The following ECT2 variants were observed in gnomAD, a reference collection of about 807,000 sequenced individuals.
ECT2 encodes protein ECT2.
In ECT2, 61 loss-of-function variants were observed where a neutral mutation model predicts 116.9. The ratio of observed to expected loss-of-function variants is 0.52; its 90% CI spans 0.42 to 0.65. ECT2 has a LOEUF of 0.65. Ranked by LOEUF, ECT2 falls within the 30% of genes least tolerant of loss-of-function variation. ECT2 has a pLI of 0.00. For missense variants in ECT2, 937 were observed against 1,078.7 expected, an observed-to-expected ratio of 0.87 and a Z score of 1.84; for synonymous variants, 358 against 346.4, an observed-to-expected ratio of 1.03 and a Z score of -0.37.
intron 6 of ECT2, among the ~76,000 whole-genome samples, 178 bp from the exon 7 acceptor site, chr3:172,759,978 A>G (rs1458644619): frequency 1.3e-5 from 2 of 152,242 alleles, no homozygotes; most frequent in Non-Finnish European, 2.9e-5. Flanking sequence ...GCCTGTGTTA[A>G]TAGGCAAACT....
At chr3:172,785,136 G>C (rs1029507225) in intron 17 of ECT2, among the ~76,000 whole-genome samples, 1 of 152,180 alleles carries the variant, frequency 6.6e-6, no homozygotes, top group Non-Finnish European at 1.5e-5. Flanking sequence ...AAGATAATTT[G>C]TATGTCCCGA....
intron 1 of ECT2, 124 bp downstream of exon 1, chr3:172,750,981 G>A (rs1715653558): frequency 6.6e-6 from 1 of 152,342 alleles, no homozygotes; most frequent in Non-Finnish European, 1.5e-5. Flanking sequence ...CCCCAGCTCA[G>A]GCTTCCCGGA....
chr3:172,782,990 G>A (rs969173079), intron 15 of ECT2, among the ~76,000 whole-genome samples: 1 of 151,944 alleles, frequency 6.6e-6, no homozygotes, highest in Admixed American at 6.6e-5. Context: ...TGTGAATATT[G>A]CTGAATTCTA....
rs375631038 is a variant in ECT2, at chr3:172,767,846, C to T, written c.1292-1161C>T. 5.0e-4 allele frequency among the ~76,000 whole-genome samples: 76 copies of T among 152,080 alleles called. 1 individual carries two copies. The East Asian group carries it at 0.01, about 21-fold the overall frequency. ...TCCTGGGTTCAAGAGATTCTCCTGC[C>T]TCAGCCTCCTGAGTAGCTGGGATTA... On this transcript the variant is annotated intron_variant, in intron 12 of 24. Transcript: ENST00000392692.
At chr3:172,826,968 A>G in the ECT2 span, among the ~76,000 whole-genome samples, 1 of 152,230 alleles carries the variant, frequency 6.6e-6, no homozygotes, top group East Asian at 1.9e-4. Context: ...CAATTTTAAA[A>G]TAGGTGAAAG....
In ECT2 at chr3:172,783,852, C is replaced by T. The variant is rs781104315; in HGVS notation, c.1671C>T (p.Ser557=). The part of the protein sequence containing the change: ...YPPFVNFFEM[S]KETIIKCEKQ... ...CCTTTGTAAACTTCTTTGAAATGAG[C>T]AAGGAAACAATTATTAAATGTGAAA... is the stretch of plus-strand genomic sequence containing the variant. Residue 557 remains serine (S), a synonymous_variant, in exon 16 of 25, where the codon AGC becomes AGT. Transcript: ENST00000392692. 5 of 1,607,058 alleles carry T rather than the reference C, an allele frequency of 3.1e-6. No individual in the cohort carries two copies. In the Admixed American group the frequency reaches 8.5e-5, roughly 27 times the overall value.
intron 5 of ECT2, among the ~76,000 whole-genome samples, chr3:172,758,320 G>T (rs1027319335): frequency 1.3e-5 from 2 of 152,124 alleles, no homozygotes; most frequent in Non-Finnish European, 2.9e-5. Flanking sequence ...ATAAGCACAT[G>T]TTAACCTTTA....
intron 14 of ECT2, among the ~76,000 whole-genome samples, chr3:172,776,037 T>G (rs1721602283): frequency 6.6e-6 from 1 of 152,208 alleles, no homozygotes; most frequent in Non-Finnish European, 1.5e-5. Context: ...AAATGTGTTA[T>G]TTTATGTTTG....
At chr3:172,788,606 T>C (rs1164174381) in intron 18 of ECT2, among the ~76,000 whole-genome samples, 1 of 152,170 alleles carries the variant, frequency 6.6e-6, no homozygotes, top group Non-Finnish European at 1.5e-5. Flanking sequence ...TTGCAAACCA[T>C]GACAGTAAAG....
chr3:172,770,893 A>G (rs1359898757), intron 13 of ECT2, among the ~76,000 whole-genome samples: 1 of 152,178 alleles, frequency 6.6e-6, no homozygotes, highest in African/African-American at 2.4e-5. Flanking sequence ...ACCAAATGGA[A>G]GGTATCAGCA....
chr3:172,786,583 AT>A lies in ECT2; in HGVS notation c.1907+11del. 1 of 1,562,908 alleles carries A rather than the reference AT, an allele frequency of 6.4e-7. No individual in the cohort carries two copies. Among genetic ancestry groups the A allele is most frequent in the South Asian group, 1.1e-5 (1 of 87,170 alleles). On this transcript the variant is annotated intron_variant, in intron 18 of 24. Transcript: ENST00000392692. ...CTGAAGGAAGTAATGACGTAAGTGC[AT>A]TATTTTCAATTTTTGATTGTGCCTT... is the stretch of plus-strand genomic sequence containing the variant.
Position 172,821,204 on chromosome 3 carries a change from A to T in ECT2, c.*967A>T, listed in dbSNP as rs142839371. ...AATTCATTTGCTGTTTCAAAGTGTG[A>T]TATCTTTCACAATAGCCTTTTTATA... On this transcript the variant is annotated 3_prime_UTR_variant, in exon 25 of 25. Transcript: ENST00000392692. The T allele has an allele frequency of 8.7e-4, 133 of 152,072 alleles. 1 individual carries two copies. The East Asian group carries it at 0.024, about 28-fold the overall frequency. 9.4% of individuals were successfully genotyped at this position (152,072 alleles called of 1,614,324 possible).
intron 16 of ECT2, among the ~76,000 whole-genome samples, chr3:172,784,494 A>G (rs938023278): frequency 1.3e-5 from 2 of 152,144 alleles, no homozygotes; most frequent in African/African-American, 4.8e-5. Flanking sequence ...AGAGGAACTC[A>G]CTTTTTATGT....
intron 12 of ECT2, among the ~76,000 whole-genome samples, chr3:172,768,007 C>T (rs954887782): frequency 3.9e-5 from 6 of 152,172 alleles, no homozygotes; most frequent in South Asian, 2.1e-4. Flanking sequence ...GTTGGGATTA[C>T]AGGAGTGAGC....
chr3:172,794,653 G>A (rs772620609), intron 18 of ECT2, among the ~76,000 whole-genome samples: 3 of 152,074 alleles, frequency 2.0e-5, no homozygotes, highest in African/African-American at 4.8e-5. Flanking sequence ...CAAAACTGTG[G>A]GGAATGTGTA....
At chr3:172,772,686 C>A (rs1021555369) in intron 13 of ECT2, among the ~76,000 whole-genome samples, 1 of 151,870 alleles carries the variant, frequency 6.6e-6, no homozygotes, top group African/African-American at 2.4e-5. Flanking sequence ...AACTCTTTAC[C>A]TAAGTTTAAG....
chr3:172,760,879 C>A (rs1032622341), intron 7 of ECT2, among the ~76,000 whole-genome samples: 4 of 151,730 alleles, frequency 2.6e-5, no homozygotes, highest in African/African-American at 9.7e-5. Context: ...CACCACCATG[C>A]CCGGCTAATT....
At chr3:172,796,216 A>G (rs1230801688) in intron 18 of ECT2, among the ~76,000 whole-genome samples, 1 of 152,246 alleles carries the variant, frequency 6.6e-6, no homozygotes, top group Non-Finnish European at 1.5e-5. Context: ...AAACAAGTCA[A>G]AGAGGGTTTA....
At chr3:172,778,382 A>G (rs1553760728) in intron 14 of ECT2, among the ~76,000 whole-genome samples, 1 of 152,146 alleles carries the variant, frequency 6.6e-6, no homozygotes, top group Non-Finnish European at 1.5e-5. Context: ...TGTAAGAAGT[A>G]GTGGTATTAT....
Sources: allele counts gnomAD v4.1 joint callset (sites outside exome capture counted in the v4.1 genomes callset), GRCh38; gene constraint gnomAD v4.1.1; transcripts MANE v1.5; gene names NCBI Gene and HGNC (gene_info 2026-07-23, HGNC 2026-07-21).